Variants in LPIN1 observed in about 807,000 individuals in gnomAD.
The protein encoded by LPIN1 is phosphatidate phosphatase LPIN1.
LPIN1 carries 71 observed loss-of-function variants against 107.5 expected under a neutral mutation model. The ratio of observed to expected loss-of-function variants is 0.66; its 90% confidence interval spans 0.55 to 0.80. The LOEUF (loss-of-function observed/expected upper bound fraction) is 0.80, where lower values mean the gene tolerates loss of function less well. Among genes scored for constraint, LPIN1 ranks in the 30% least tolerant of loss-of-function variants. LPIN1 has a pLI of 0.00. For missense variants in LPIN1, 1,043 were observed against 1,160.6 expected (o/e 0.90, Z 1.47); for synonymous variants, 445 against 452.6 (o/e 0.98, Z 0.21).
upstream of LPIN1, among the ~76,000 whole-genome samples, chr2:11,721,338 C>T (rs1400053528): frequency 7.3e-6 from 1 of 136,650 alleles, no homozygotes; most frequent in African/African-American, 2.8e-5. Context: ...ATGATCTGTG[C>T]CTGTGAAGTC....
intron 20 of LPIN1, 131 bp from the exon 21 acceptor site, chr2:11,824,501 A>G (rs1351457058): frequency 2.5e-6 from 2 of 815,100 alleles, no homozygotes; most frequent in Non-Finnish European, 4.2e-6. Context: ...TTATTCTAGA[A>G]TGACTTGAGT....
At chr2:11,761,580 T>C (rs748563072) in intron 1 of LPIN1, among the ~76,000 whole-genome samples, 2 of 152,122 alleles carry the variant, frequency 1.3e-5, no homozygotes, top group African/African-American at 2.4e-5. Flanking sequence ...GCATTCTTTG[T>C]AGGTATCATT....
Position 11,824,905 on chromosome 2 carries a change from C to T in LPIN1, c.*114C>T, listed in dbSNP as rs1682174063. 1.7e-6 allele frequency: 2 copies of T among 1,211,462 alleles called. No individual in the cohort carries two copies. The highest frequency in any genetic ancestry group is 2.5e-5 in the South Asian group (2 of 79,290). The allele number at this position is 1,211,462 out of a possible 1,614,324, so 75.0% of individuals were successfully genotyped here. On this transcript the variant is annotated 3_prime_UTR_variant, in exon 21 of 21. Coordinates refer to ENST00000674199, the MANE Select transcript of LPIN1 (RefSeq NM_001349206.2). Reference sequence around the variant, plus strand: ...GGGAGCCTGGCGCGTCATCATTGGCCTGACAGCAGAGAGAATTGAGAAGCA... The same window carrying T: ...GGGAGCCTGGCGCGTCATCATTGGCTTGACAGCAGAGAGAATTGAGAAGCA...
intron 9 of LPIN1, chr2:11,784,612 G>A: frequency 1.9e-6 from 1 of 529,774 alleles, no homozygotes; most frequent in Non-Finnish European, 3.3e-6. Context: ...TGGAGGGGAA[G>A]GGCAGGGAAC....
At chr2:11,702,516 C>T (rs960790382) in intron 1 of LPIN1, among the ~76,000 whole-genome samples, 4 of 152,144 alleles carry the variant, frequency 2.6e-5, no homozygotes, top group Admixed American at 6.5e-5. Flanking sequence ...CATCAAAATA[C>T]GGGAGGTAAA....
intron 1 of LPIN1, among the ~76,000 whole-genome samples, chr2:11,761,344 A>G (rs943032871): frequency 1.3e-4 from 20 of 152,226 alleles, no homozygotes; most frequent in African/African-American, 4.1e-4. Context: ...TTGTAAACTT[A>G]GAAAAATGTG....
intron 1 of LPIN1, among the ~76,000 whole-genome samples, chr2:11,760,328 G>T (rs1213207881): frequency 2.0e-5 from 3 of 152,246 alleles, no homozygotes; most frequent in African/African-American, 7.2e-5. Context: ...GGCCAAGGCA[G>T]GCGGCTGGGA....
chr2:11,822,524 T>A (rs1279450277), intron 20 of LPIN1, among the ~76,000 whole-genome samples: 1 of 151,524 alleles, frequency 6.6e-6, no homozygotes, highest in East Asian at 1.9e-4. Flanking sequence ...TCAAGTCATG[T>A]CTTACATGGA....
chr2:11,742,479 T>A (rs1666471419), upstream of LPIN1, among the ~76,000 whole-genome samples: 1 of 152,150 alleles, frequency 6.6e-6, no homozygotes. Flanking sequence ...AGCCCCACAC[T>A]TGTTTAGCAA....
At chr2:11,695,297 A>T (rs1052243426) in intron 1 of LPIN1, among the ~76,000 whole-genome samples, 16 of 152,368 alleles carry the variant, frequency 1.1e-4, no homozygotes, top group Middle Eastern at 3.4e-3. Flanking sequence ...AAATGAAGCA[A>T]GGTACAAGGA....
intron 1 of LPIN1, among the ~76,000 whole-genome samples, chr2:11,730,179 C>T (rs7599768): frequency 0.22 from 33,704 of 151,970 alleles, 3,873 homozygotes; most frequent in African/African-American, 0.29. Flanking sequence ...TGTTCTCACT[C>T]TGTTTTCCTC....
rs200527588 is a variant in LPIN1 at position 11,795,494 on chromosome 2, T to G, written c.1886+7T>G. ...AGCTCAGCTTGGCCACCAGGTGCGG[T>G]AGGAGGCTTCTTGGGATGTTTGCAG... is the stretch of plus-strand genomic sequence containing the variant. On this transcript the variant is annotated splice_region_variant and intron_variant, in intron 14 of 20. Transcript: ENST00000674199. The G allele has an allele frequency of 6.2e-7, 1 of 1,613,678 alleles. No homozygotes were observed. Among genetic ancestry groups the G allele is most frequent in the Non-Finnish European group, 8.5e-7 (1 of 1,179,654 alleles).
At chr2:11,699,839 C>T (rs4233902) in intron 1 of LPIN1, among the ~76,000 whole-genome samples, 149,423 of 152,182 alleles carry the variant, frequency 0.98, 73,419 homozygotes, top group East Asian at 1. Context: ...CTGCAGGAGA[C>T]GGGCTGGGGG....
At position 11,765,166 on chromosome 2, in the gene LPIN1, CG is replaced by C. The variant is rs925341180; in HGVS notation, c.-9-364del. Among the ~76,000 whole-genome samples, 1 of 140,898 alleles carries C rather than the reference CG, an allele frequency of 7.1e-6. No individual in the cohort carries two copies. Among genetic ancestry groups the C allele is most frequent in the African/African-American group, 2.7e-5 (1 of 37,162 alleles). The allele number at this position is 140,898 out of a possible 152,430, so 92.4% of individuals were successfully genotyped here. ...CATGATGGACCGTGATGGGCCGTAA[CG>C]GGCCGTGATGGACCCTGATGGGCTG... is the stretch of plus-strand genomic sequence containing the variant. On this transcript the variant is annotated intron_variant, in intron 1 of 20. Coordinates refer to ENST00000674199, the MANE Select transcript of LPIN1 (RefSeq NM_001349206.2). This position sits in a 1 kb window ranked among gnomAD's most constrained non-coding sequence, Gnocchi z 4.4.
intron 8 of LPIN1, 61 bp from the exon 9 acceptor site, chr2:11,783,768 C>A: frequency 1.5e-6 from 2 of 1,361,756 alleles, no homozygotes; most frequent in Non-Finnish European, 2.1e-6. Context: ...TCTATAGATA[C>A]AAGGCCATGA....
At chr2:11,782,612 G>A in intron 8 of LPIN1, 105 bp downstream of exon 8, 1 of 1,261,606 alleles carries the variant, frequency 7.9e-7, no homozygotes. Context: ...GGTAGAAACT[G>A]AACCGTGACA....
intron 3 of LPIN1, 50 bp downstream of exon 3, chr2:11,767,908 T>A: frequency 8.6e-7 from 1 of 1,160,834 alleles, no homozygotes; most frequent in Non-Finnish European, 1.3e-6. Context: ...GAGCTTTGAG[T>A]AATGGTTATC....
chr2:11,696,525 A>G (rs749032733), intron 1 of LPIN1, among the ~76,000 whole-genome samples: 90 of 152,296 alleles, frequency 5.9e-4, no homozygotes, highest in Non-Finnish European at 9.9e-4. Context: ...CTCAAGCAGC[A>G]CCAAGACGGT....
chr2:11,797,032 G>T (rs6708316), intron 14 of LPIN1, among the ~76,000 whole-genome samples: 2 of 152,018 alleles, frequency 1.3e-5, no homozygotes, highest in African/African-American at 4.8e-5. Flanking sequence ...TGGGAGGCAT[G>T]CTACCCCAAA....
Sources: gnomAD v4.1 joint callset for allele counts (sites outside exome capture counted in the v4.1 genomes callset) on GRCh38, gnomAD v4.1.1 for gene constraint, Gnocchi (gnomAD v3.1) non-coding constraint, MANE v1.5 for transcripts, NCBI Gene and HGNC (gene_info 2026-07-23, HGNC 2026-07-21) for gene names.